Variants in CDK13 observed in about 807,000 individuals in gnomAD.
CDK13 encodes the protein cyclin-dependent kinase 13.
CDK13 carries 40 observed loss-of-function variants against 137.6 expected under a neutral mutation model. That is an observed-to-expected ratio of 0.29 (90% CI 0.23 to 0.38). The LOEUF (loss-of-function observed/expected upper bound fraction) is 0.38. Ranked by LOEUF, CDK13 falls within the 10% of genes least tolerant of loss-of-function variation. The pLI is 1.00. For synonymous variants in CDK13, 869 were observed against 760.1 expected (o/e 1.14, Z -2.36); for missense variants, 1,704 against 1,951.8 (o/e 0.87, Z 2.39).
At position 39,951,120 on chromosome 7, in the gene CDK13, G is replaced by C. The variant is rs1042943486; in HGVS notation, c.479G>C (p.Gly160Ala). 1.1e-5 allele frequency: 14 copies of C among 1,244,968 alleles called. No individual in the cohort carries two copies. The highest frequency in any genetic ancestry group is 3.1e-5 in the African/African-American group (2 of 64,422). The allele number at this position is 1,244,968 out of a possible 1,614,324, so 77.1% of individuals were successfully genotyped here. A position where few individuals can be genotyped will look rare whatever the true frequency, so the allele number is the denominator to read the frequency against. ...CAGTCCGAGCAGGGGCTGCTGCTGG[G>C]GGGGGCCAGCGCGGCAACGGCGGCG... ...SSQSEQGLLL[G>A]GASAATAATA... Residue 160 changes from glycine to alanine, a missense_variant, in exon 1 of 14, where the codon GGG becomes GCG. Transcript: ENST00000181839.
At chr7:40,031,875 T>C (rs1234447152) in intron 5 of CDK13, among the ~76,000 whole-genome samples, 1 of 149,242 alleles carries the variant, frequency 6.7e-6, no homozygotes, top group African/African-American at 2.5e-5. Flanking sequence ...TTGGGAGAAA[T>C]GGGGTCTTGT....
At chr7:40,057,258 G>GAAAAAAA (rs546059471) in intron 7 of CDK13, among the ~76,000 whole-genome samples, 1 of 150,044 alleles carries the variant, frequency 6.7e-6, no homozygotes. Context: ...TGTCTCAAAA[G>GAAAAAAA]AAAAAAAAAA....
intron 9 of CDK13, chr7:40,067,127 A>G (rs1043680165): frequency 6.6e-6 from 1 of 152,216 alleles, no homozygotes; most frequent in Non-Finnish European, 1.5e-5. Context: ...TCTTCTCTTT[A>G]TAGTTAAGAA....
At chr7:40,073,517 A>G (rs1260722527) in intron 9 of CDK13, 2 of 151,916 alleles carry the variant, frequency 1.3e-5, no homozygotes, top group Non-Finnish European at 2.9e-5. Context: ...ATAAATAAAT[A>G]AATAAAATTT....
chr7:40,002,793 A>C (rs1289828071), intron 5 of CDK13, among the ~76,000 whole-genome samples: 1 of 151,478 alleles, frequency 6.6e-6, no homozygotes, highest in East Asian at 2.0e-4. Context: ...AAGCAGACAC[A>C]GTGTCTCACA....
chr7:40,076,893 C>T (rs1786556692), intron 9 of CDK13, among the ~76,000 whole-genome samples: 1 of 151,934 alleles, frequency 6.6e-6, no homozygotes, highest in Non-Finnish European at 1.5e-5. Context: ...ATATGCAGAC[C>T]AGCTGACAAT....
intron 8 of CDK13, 21 bp from the exon 9 acceptor site, chr7:40,063,002 G>T: frequency 6.2e-7 from 1 of 1,610,818 alleles, no homozygotes; most frequent in South Asian, 1.1e-5. Flanking sequence ...ATTTGGTAAT[G>T]ACGGGTATTT....
In CDK13 at chr7:39,996,961, C is replaced by CAAAAA. The variant is rs72210233; in HGVS notation, c.1872-522_1872-518dup. ...CTTGGGTGACAGTGAGATTCCATCT[C>CAAAAA]AAAAAAAAAAAAAAAGAAAAAAAAA... On this transcript the variant is annotated intron_variant, in intron 2 of 13. Transcript: ENST00000181839. Among the ~76,000 whole-genome samples, 724 of 83,088 alleles carry CAAAAA rather than the reference C, an allele frequency of 8.7e-3. 144 individuals are homozygous for CAAAAA. Among genetic ancestry groups the CAAAAA allele is most frequent in the African/African-American group, 0.05 (634 of 12,634 alleles). 54.5% of individuals were successfully genotyped at this position (83,088 alleles called of 152,430 possible).
chr7:39,965,865 C>T lies in CDK13; in HGVS notation c.1211+14013C>T. ...TTGTCTGTTAAGGATTTTATTTCTCCTTCACTTATGAAGCTTAGTTTGGCT... is the reference window on the plus strand; with the variant it reads ...TTGTCTGTTAAGGATTTTATTTCTCTTTCACTTATGAAGCTTAGTTTGGCT... On this transcript the variant is annotated intron_variant, in intron 1 of 13. Transcript: ENST00000181839. Among the ~76,000 whole-genome samples, 2 of 152,090 alleles carry T rather than the reference C, an allele frequency of 1.3e-5. 1 individual carries two copies. Among genetic ancestry groups the T allele is most frequent in the Non-Finnish European group, 2.9e-5 (2 of 68,034 alleles).
rs775425746 is a variant in CDK13, at chr7:39,951,744, C to T, written c.1103C>T (p.Pro368Leu). The change falls in exon 1 of 14, where the codon CCC becomes CTC. Residue 368 changes from proline (P) to leucine (L), a missense_variant. This residue lies in a region of CDK13 where 1,051 missense variants were observed against 931.0 expected (regional missense o/e 1.13). Coordinates refer to ENST00000181839, the MANE Select transcript of CDK13 (RefSeq NM_003718.5). ...SPSPYSRRRS[P>L]SYSRHSSYER... ...AGCCCCTACAGTCGCCGCCGCTCCC[C>T]CAGCTACAGCCGCCACAGCTCCTAC... 2.0e-6 allele frequency: 3 copies of T among 1,494,280 alleles called. No individual in the cohort carries two copies. The highest frequency in any genetic ancestry group is 1.4e-5 in the African/African-American group (1 of 69,146). The allele number at this position is 1,494,280 out of a possible 1,614,324, so 92.6% of individuals were successfully genotyped here. A position where few individuals can be genotyped will look rare whatever the true frequency, so the allele number is the denominator to read the frequency against.
At chr7:40,037,592 A>T (rs1785513282) in intron 5 of CDK13, among the ~76,000 whole-genome samples, 1 of 152,236 alleles carries the variant, frequency 6.6e-6, no homozygotes, top group African/African-American at 2.4e-5. Flanking sequence ...ACCGTCCTTG[A>T]ATCACTGTGG....
intron 2 of CDK13, among the ~76,000 whole-genome samples, chr7:39,991,792 A>T (rs956494136): frequency 1.3e-5 from 2 of 151,986 alleles, no homozygotes; most frequent in Admixed American, 1.3e-4. Context: ...TTGTAATCCC[A>T]AAGTGTAATA....
intron 11 of CDK13, among the ~76,000 whole-genome samples, chr7:40,079,615 G>A (rs554092271): frequency 6.6e-6 from 1 of 152,290 alleles, no homozygotes; most frequent in East Asian, 1.9e-4. Context: ...GAGGAAGCAG[G>A]CTCAGAGAGG....
chr7:40,046,502 C>G (rs1785744190), intron 6 of CDK13, among the ~76,000 whole-genome samples: 1 of 151,062 alleles, frequency 6.6e-6, no homozygotes, highest in Non-Finnish European at 1.5e-5. Flanking sequence ...GAAAAGTTAG[C>G]CTAGCGTGGT....
intron 1 of CDK13, chr7:39,985,283 T>A (rs1218896585): frequency 6.6e-6 from 1 of 152,294 alleles, no homozygotes; most frequent in Non-Finnish European, 1.5e-5. Context: ...CCATCCATGC[T>A]GTTGCAAGTG....
intron 5 of CDK13, among the ~76,000 whole-genome samples, chr7:40,040,608 A>G: frequency 6.6e-6 from 1 of 152,186 alleles, no homozygotes; most frequent in East Asian, 1.9e-4. Flanking sequence ...TAACATCTTT[A>G]TCATGTTTAG....
intron 7 of CDK13, among the ~76,000 whole-genome samples, chr7:40,054,652 A>C (rs1785971440): frequency 6.6e-6 from 1 of 152,128 alleles, no homozygotes; most frequent in Non-Finnish European, 1.5e-5. Flanking sequence ...GCTGGTCTTG[A>C]ACTCCTGACC....
intron 1 of CDK13, among the ~76,000 whole-genome samples, chr7:39,974,187 A>AT (rs2116202467): frequency 6.6e-6 from 1 of 152,286 alleles, no homozygotes; most frequent in South Asian, 2.1e-4. Context: ...CAGAACTGCA[A>AT]TACATTGACT....
At chr7:40,050,069 T>A (rs1785850949) in intron 7 of CDK13, among the ~76,000 whole-genome samples, 1 of 151,922 alleles carries the variant, frequency 6.6e-6, no homozygotes, top group East Asian at 1.9e-4. Context: ...AGCCTCCACC[T>A]CCGGGGTCCA....
Sources: gnomAD v4.1 joint callset for allele counts (sites outside exome capture counted in the v4.1 genomes callset) on GRCh38, gnomAD v4.1.1 for gene constraint, gnomAD v4.1.1 regional missense constraint, MANE v1.5 for transcripts, NCBI Gene and HGNC (gene_info 2026-07-23, HGNC 2026-07-21) for gene names.